The following CMSS1 variants were observed in gnomAD, a reference collection of about 807,000 sequenced individuals.
CMSS1 encodes the protein protein CMSS1.
In CMSS1, 33 loss-of-function variants were observed where a neutral mutation model predicts 43.5. The observed-to-expected ratio is 0.76, with a 90% CI of 0.57 to 1.01. The LOEUF (loss-of-function observed/expected upper bound fraction) is 1.01. Ranked by LOEUF, CMSS1 falls within the 50% of genes least tolerant of loss-of-function variation. The pLI is 0.00. For missense variants in CMSS1, 313 were observed against 326.4 expected, an observed-to-expected ratio of 0.96 and a Z score of 0.32; for synonymous variants, 115 against 117.2, an observed-to-expected ratio of 0.98 and a Z score of 0.12.
chr3:100,080,442 AT>A lies in CMSS1; in HGVS notation c.65-66527del, dbSNP rs71678141. 5.0e-3 allele frequency among the ~76,000 whole-genome samples: 761 copies of A among 152,310 alleles called. 5 individuals carry two copies. The highest frequency in any genetic ancestry group is 0.017 in the African/African-American group (716 of 41,562). On this transcript the variant is annotated intron_variant, in intron 1 of 9. Transcript: ENST00000421999. ...ACCCAGGGAACATGTTAAAATGTAG[AT>A]TTTGGGGAGTACCCTAGACAATTTC...
chr3:100,139,779 G>A (rs1464089125), intron 1 of CMSS1, among the ~76,000 whole-genome samples: 5 of 130,852 alleles, frequency 3.8e-5, no homozygotes, highest in East Asian at 4.6e-4. Context: ...CCTGGGCGAC[G>A]AGAGCAAAAC....
intron 2 of CMSS1, chr3:100,159,783 CAG>C (rs1226236739): frequency 2.3e-5 from 9 of 385,322 alleles, no homozygotes; most frequent in South Asian, 1.5e-4. Context: ...CTGGGGTACT[CAG>C]GGGTCAAGGC....
chr3:100,156,634 G>C (rs2066977158), intron 2 of CMSS1, among the ~76,000 whole-genome samples: 1 of 151,416 alleles, frequency 6.6e-6, no homozygotes, highest in Non-Finnish European at 1.5e-5. Context: ...TTTTGTTTTT[G>C]AGACGGAGTC....
At chr3:99,824,544 A>C (rs556591535) in intron 1 of CMSS1, among the ~76,000 whole-genome samples, 6 of 152,228 alleles carry the variant, frequency 3.9e-5, no homozygotes, top group Non-Finnish European at 5.9e-5. Flanking sequence ...TTTGTTAGTT[A>C]ACCAATTAAT....
intron 1 of CMSS1, among the ~76,000 whole-genome samples, chr3:100,047,608 G>A (rs1303291601): frequency 1.3e-5 from 2 of 152,156 alleles, no homozygotes; most frequent in African/African-American, 2.4e-5. Flanking sequence ...TTATGCCTCC[G>A]CAAACAGTGA....
At chr3:100,089,518 A>G (rs544323316) in intron 1 of CMSS1, among the ~76,000 whole-genome samples, 65 of 152,354 alleles carry the variant, frequency 4.3e-4, no homozygotes, top group South Asian at 2.1e-3. Context: ...GCATCCACCT[A>G]TAAGTCAAAG....
Position 100,176,314 on chromosome 3 carries a change from C to G in CMSS1, c.668-13C>G. The G allele has an allele frequency of 1.3e-6, 2 of 1,577,888 alleles. No homozygotes were observed. Among genetic ancestry groups the G allele is most frequent in the South Asian group, 1.1e-5 (1 of 90,130 alleles). On this transcript the variant is annotated splice_polypyrimidine_tract_variant and intron_variant, in intron 8 of 9. Transcript: ENST00000421999. ...GGTCTTTACTACAGCAACTCTCTTCCTGTCTCTTTCAGGTGGCCTTAATTT... is the reference window on the plus strand; with the variant it reads ...GGTCTTTACTACAGCAACTCTCTTCGTGTCTCTTTCAGGTGGCCTTAATTT...
chr3:100,167,750 G>A lies in CMSS1; in HGVS notation c.428G>A (p.Trp143Ter). 6.2e-7 allele frequency: 1 copy of A among 1,610,528 alleles called. No individual in the cohort carries two copies. The highest frequency in any genetic ancestry group is 8.5e-7 in the Non-Finnish European group (1 of 1,177,776). Residue 143 changes from tryptophan (W) to a stop codon, truncating the protein, a stop_gained, in exon 6 of 10, where the codon TGG becomes TAG. Coordinates refer to ENST00000421999, the MANE Select transcript of CMSS1 (RefSeq NM_032359.4). LOFTEE classifies it high-confidence loss of function. ...SSYLKEICPK[W>*]VKLRKNHSEK... is the part of the protein sequence containing the mutation. ...TTCTTTTTTCCAGTTTGTCCTAAGT[G>A]GGTAAAACTTAGGAAGAACCACAGT...
At chr3:99,988,614 ACCATTT>A (rs1709424780) in intron 1 of CMSS1, among the ~76,000 whole-genome samples, 2 of 152,048 alleles carry the variant, frequency 1.3e-5, no homozygotes, top group South Asian at 4.1e-4. Context: ...TGTTTTAAAG[ACCATTT>A]CCAAAGTCCA....
intron 1 of CMSS1, among the ~76,000 whole-genome samples, chr3:99,841,641 CAG>C (rs1222573961): frequency 2.6e-5 from 4 of 152,070 alleles, no homozygotes; most frequent in African/African-American, 7.2e-5. Context: ...CTGAACAAAA[CAG>C]GCGCAATCCC....
intron 1 of CMSS1, among the ~76,000 whole-genome samples, chr3:100,061,895 A>G (rs751707085): frequency 6.6e-6 from 1 of 152,112 alleles, no homozygotes; most frequent in Non-Finnish European, 1.5e-5. Context: ...ATATAATACA[A>G]AATCTGTCAT....
At chr3:99,977,159 G>C (rs986890674) in intron 1 of CMSS1, among the ~76,000 whole-genome samples, 2 of 152,172 alleles carry the variant, frequency 1.3e-5, no homozygotes, top group African/African-American at 4.8e-5. Flanking sequence ...GGCATGTACT[G>C]TACACAGTTC....
intron 1 of CMSS1, among the ~76,000 whole-genome samples, chr3:99,970,985 G>C (rs1179356637): frequency 6.6e-6 from 1 of 152,186 alleles, no homozygotes; most frequent in African/African-American, 2.4e-5. Flanking sequence ...GATTGAAGAG[G>C]AGGGGCTGTA....
At chr3:99,862,602 C>G (rs1054049364) in intron 1 of CMSS1, among the ~76,000 whole-genome samples, 1 of 152,178 alleles carries the variant, frequency 6.6e-6, no homozygotes, top group Non-Finnish European at 1.5e-5. Flanking sequence ...AACACAGTAC[C>G]TCCAGCTCAG....
chr3:100,017,132 ATGTT>A (rs1361312880), intron 1 of CMSS1, among the ~76,000 whole-genome samples: 1 of 152,180 alleles, frequency 6.6e-6, no homozygotes, highest in African/African-American at 2.4e-5. Flanking sequence ...TTTCCTGAAA[ATGTT>A]TGTCATCAAA....
At chr3:99,983,688 T>C (rs1352431701) in intron 1 of CMSS1, among the ~76,000 whole-genome samples, 1 of 139,952 alleles carries the variant, frequency 7.1e-6, no homozygotes, top group Non-Finnish European at 1.5e-5. Context: ...AGACTCAGTC[T>C]CAAAAAAAAA....
chr3:100,154,744 G>A (rs1002869100), intron 2 of CMSS1, among the ~76,000 whole-genome samples: 2 of 152,048 alleles, frequency 1.3e-5, no homozygotes, highest in East Asian at 1.9e-4. Flanking sequence ...AGGCTGAGGC[G>A]GGCAGATCAC....
At chr3:100,128,322 C>T (rs957495054) in intron 1 of CMSS1, among the ~76,000 whole-genome samples, 6 of 152,138 alleles carry the variant, frequency 3.9e-5, no homozygotes, top group East Asian at 1.9e-4. Context: ...CTTCTCTGCA[C>T]ATTTTAATTA....
chr3:100,129,046 A>G (rs2066685451), intron 1 of CMSS1, among the ~76,000 whole-genome samples: 1 of 152,198 alleles, frequency 6.6e-6, no homozygotes, highest in African/African-American at 2.4e-5. Flanking sequence ...GTATACAGAC[A>G]GTATCATGAG....
Sources: gnomAD v4.1 joint callset for allele counts (sites outside exome capture counted in the v4.1 genomes callset) on GRCh38, gnomAD v4.1.1 for gene constraint, MANE v1.5 for transcripts, NCBI Gene and HGNC (gene_info 2026-07-23, HGNC 2026-07-21) for gene names.